L3MBTL3: variants seen among roughly 807,000 people sequenced by gnomAD.
L3MBTL3 encodes L3MBTL histone methyl-lysine binding protein 3.
Under a neutral mutation model 102.3 loss-of-function variants are expected in L3MBTL3, and 27 were observed. The ratio of observed to expected loss-of-function variants is 0.26; its 90% CI spans 0.19 to 0.36. L3MBTL3 has a LOEUF of 0.36. Among genes scored for constraint, L3MBTL3 ranks in the 10% least tolerant of loss-of-function variants. The pLI, the probability that L3MBTL3 is intolerant of heterozygous loss-of-function variation, is 1.00. For missense variants in L3MBTL3, 798 were observed against 955.3 expected (o/e 0.84, Z 2.17); for synonymous variants, 340 against 320.9 (o/e 1.06, Z -0.64).
intron 20 of L3MBTL3, 28 bp downstream of exon 20, chr6:130,120,986 AT>A: frequency 7.2e-7 from 1 of 1,387,440 alleles, no homozygotes; most frequent in Non-Finnish European, 1.0e-6. Context: ...CATATTACTA[AT>A]GTGTATTACT....
chr6:130,031,600 T>C (rs533146554), intron 2 of L3MBTL3, among the ~76,000 whole-genome samples: 1 of 152,310 alleles, frequency 6.6e-6, no homozygotes, highest in South Asian at 2.1e-4. Context: ...GAGCAGACTT[T>C]GTGGAATGTT....
At chr6:130,052,806 A>G (rs1248150273) in intron 6 of L3MBTL3, 53 bp from the exon 7 acceptor site, 23 of 1,545,614 alleles carry the variant, frequency 1.5e-5, no homozygotes, top group Non-Finnish European at 1.9e-5. Context: ...CAACAAGTAG[A>G]TGTTTGATAG....
In L3MBTL3 at chr6:130,139,878, T is replaced by C; in HGVS notation, c.*125T>C. 1.2e-6 allele frequency: 1 copy of C among 810,744 alleles called. No individual in the cohort carries two copies. The highest frequency in any genetic ancestry group is 2.0e-6 in the Non-Finnish European group (1 of 508,154). 50.2% of individuals were successfully genotyped at this position (810,744 alleles called of 1,614,324 possible). A position where few individuals can be genotyped will look rare whatever the true frequency, so the allele number is the denominator to read the frequency against. On this transcript the variant is annotated 3_prime_UTR_variant, in exon 23 of 23. Coordinates refer to ENST00000361794, the MANE Select transcript of L3MBTL3 (RefSeq NM_032438.4). Reference sequence around the variant, plus strand: ...ACTCAAAAGAGCAACACTATCGGATTATTTATATTACTCAAGAGACAATAT... The same window carrying C: ...ACTCAAAAGAGCAACACTATCGGATCATTTATATTACTCAAGAGACAATAT...
intron 9 of L3MBTL3, among the ~76,000 whole-genome samples, chr6:130,059,606 A>AT (rs1223701817): frequency 6.6e-6 from 1 of 152,172 alleles, no homozygotes; most frequent in Non-Finnish European, 1.5e-5. Context: ...ATCAAAAAGA[A>AT]TTTTTTGATT....
intron 18 of L3MBTL3, among the ~76,000 whole-genome samples, chr6:130,096,309 A>G (rs1414723569): frequency 6.6e-6 from 1 of 152,242 alleles, no homozygotes; most frequent in African/African-American, 2.4e-5. Flanking sequence ...AAAGCTGGAC[A>G]TAATTTAATT....
chr6:130,139,853 A>G lies in L3MBTL3; in HGVS notation c.*100A>G. The G allele has an allele frequency of 9.5e-7, 1 of 1,054,672 alleles. No individual in the cohort carries two copies. The highest frequency in any genetic ancestry group is 1.4e-5 in the South Asian group (1 of 71,096). 65.3% of individuals were successfully genotyped at this position (1,054,672 alleles called of 1,614,324 possible). ...AACTCCTAAGTGAGAAGTCTCCAAAACTCAAAAGAGCAACACTATCGGATT... is the reference window on the plus strand; with the variant it reads ...AACTCCTAAGTGAGAAGTCTCCAAAGCTCAAAAGAGCAACACTATCGGATT... On this transcript the variant is annotated 3_prime_UTR_variant, in exon 23 of 23. Coordinates refer to ENST00000361794, the MANE Select transcript of L3MBTL3 (RefSeq NM_032438.4).
intron 22 of L3MBTL3, among the ~76,000 whole-genome samples, chr6:130,139,091 T>C (rs1287134522): frequency 1.3e-5 from 1 of 78,364 alleles, no homozygotes; most frequent in East Asian, 6.8e-4. Flanking sequence ...TTCTTCTGTG[T>C]GTAAAGACTT....
Position 130,024,370 on chromosome 6 carries a change from A to G in L3MBTL3, c.-16+2065A>G, listed in dbSNP as rs147469757. Among the ~76,000 whole-genome samples the G allele has an allele frequency of 3.3e-5, 5 of 152,258 alleles. No homozygotes were observed. The East Asian group carries it at 9.6e-4, about 29-fold the overall frequency. Reference sequence around the variant, plus strand: ...TGATTTGATGCTACTGAACCTGACAAAATAAACCCTGACAGGTTTTAGTTT... The same window carrying G: ...TGATTTGATGCTACTGAACCTGACAGAATAAACCCTGACAGGTTTTAGTTT... On this transcript the variant is annotated intron_variant, in intron 2 of 22. Transcript: ENST00000361794.
At chr6:130,060,189 G>A (rs755337976) in intron 10 of L3MBTL3, 49 bp downstream of exon 10, 1 of 1,174,650 alleles carries the variant, frequency 8.5e-7, no homozygotes, top group Non-Finnish European at 1.2e-6. Context: ...GTGATTATGG[G>A]GATTTAAAAT....
intron 1 of L3MBTL3, among the ~76,000 whole-genome samples, chr6:130,020,889 G>GA (rs941099204): frequency 6.6e-6 from 1 of 151,014 alleles, no homozygotes; most frequent in African/African-American, 2.4e-5. Flanking sequence ...GCCACCGCCA[G>GA]AAAAATGCAT....
At chr6:130,122,041 T>A (rs1374156559) in intron 20 of L3MBTL3, among the ~76,000 whole-genome samples, 3 of 152,182 alleles carry the variant, frequency 2.0e-5, no homozygotes, top group Admixed American at 6.6e-5. Context: ...GCGAGTGGTT[T>A]AATTAAGCAA....
In L3MBTL3 at chr6:130,094,316, G is replaced by A; in HGVS notation, c.1685G>A (p.Gly562Glu). The A allele has an allele frequency of 6.2e-7, 1 of 1,613,880 alleles. No individual in the cohort carries two copies. The highest frequency in any genetic ancestry group is 1.3e-5 in the African/African-American group (1 of 75,026). The change falls in exon 18 of 23, where the codon GGA (glycine) becomes GAA (glutamate). Residue 562 changes from glycine (G) to glutamate (E), a missense_variant. Coordinates refer to ENST00000361794, the MANE Select transcript of L3MBTL3 (RefSeq NM_032438.4). Reference sequence around the variant, plus strand: ...GAACATGGTGGATGCTCAACCCCGGGATGTAAAGGGATTGGCCATTTCAAG... The same window carrying A: ...GAACATGGTGGATGCTCAACCCCGGAATGTAAAGGGATTGGCCATTTCAAG... ...ASEHGGCSTP[G>E]CKGIGHFKRA...
At chr6:130,134,479 G>A (rs1787402668) in intron 22 of L3MBTL3, among the ~76,000 whole-genome samples, 1 of 152,126 alleles carries the variant, frequency 6.6e-6, no homozygotes, top group South Asian at 2.1e-4. Context: ...TTCAATATAA[G>A]GGGTGATTAA....
chr6:130,027,471 C>G (rs1036291011), intron 2 of L3MBTL3, among the ~76,000 whole-genome samples: 25 of 152,206 alleles, frequency 1.6e-4, no homozygotes, highest in African/African-American at 5.8e-4. Flanking sequence ...GGTGGTCAAT[C>G]TGGTCTGGTT....
chr6:130,021,576 C>T (rs1322091675), intron 1 of L3MBTL3, among the ~76,000 whole-genome samples: 1 of 152,124 alleles, frequency 6.6e-6, no homozygotes, highest in East Asian at 1.9e-4. Flanking sequence ...CAGCTGATGA[C>T]TTTATTTTGA....
intron 18 of L3MBTL3, among the ~76,000 whole-genome samples, chr6:130,100,820 G>C (rs17058349): frequency 1.1e-3 from 173 of 152,256 alleles, no homozygotes; most frequent in African/African-American, 4.0e-3. Flanking sequence ...TGTCTACACT[G>C]TAACTGTAAT....
chr6:130,132,696 C>A (rs1787187774), intron 20 of L3MBTL3, among the ~76,000 whole-genome samples: 1 of 152,088 alleles, frequency 6.6e-6, no homozygotes, highest in Non-Finnish European at 1.5e-5. Context: ...TAGAGAATGG[C>A]CGTTTTAGGA....
Position 130,055,232 on chromosome 6 carries a change from G to A in L3MBTL3, c.644G>A (p.Gly215Glu). 1 of 1,613,662 alleles carries A rather than the reference G, an allele frequency of 6.2e-7. No individual in the cohort carries two copies. The change falls in exon 8 of 23, where the codon GGG becomes GAG. Residue 215 changes from glycine to glutamate, a missense_variant. Coordinates refer to ENST00000361794, the MANE Select transcript of L3MBTL3 (RefSeq NM_032438.4). ...CAGAGAGCACGGAGGAAAAGACGAG[G>A]GGATTCGGCTGTACTAAAGCAGGGT... ...GSQRARRKRR[G>E]DSAVLKQGLP...
chr6:130,101,846 C>T (rs988822937), intron 18 of L3MBTL3, among the ~76,000 whole-genome samples: 11 of 152,244 alleles, frequency 7.2e-5, no homozygotes, highest in Non-Finnish European at 1.5e-4. Flanking sequence ...ATTAGGATCC[C>T]GTGAAACATA....
Sources: gnomAD v4.1 joint callset for allele counts (sites outside exome capture counted in the v4.1 genomes callset) on GRCh38, gnomAD v4.1.1 for gene constraint, MANE v1.5 for transcripts, NCBI Gene and HGNC (gene_info 2026-07-23, HGNC 2026-07-21) for gene names.